NTRK3: variants seen among roughly 807,000 people sequenced by gnomAD.
NTRK3 encodes neurotrophic receptor tyrosine kinase 3.
Under a neutral mutation model 91.7 loss-of-function variants are expected in NTRK3, and 24 were observed. The observed-to-expected ratio is 0.26, with a 90% CI of 0.19 to 0.37. The LOEUF is 0.37. Among genes scored for constraint, NTRK3 ranks in the 10% least tolerant of loss-of-function variants. NTRK3 has a pLI of 1.00. For missense variants in NTRK3, 880 were observed against 1,068.9 expected (o/e 0.82, Z 2.46); for synonymous variants, 483 against 404.0 (o/e 1.20, Z -2.34).
rs111438997 is a variant in NTRK3, at chr15:88,050,238, C to T, written c.1397-17193G>A. Among the ~76,000 whole-genome samples, 404 of 152,216 alleles carry T rather than the reference C, an allele frequency of 2.7e-3. 1 individual carries two copies. The highest frequency in any genetic ancestry group is 4.0e-3 in the Non-Finnish European group (269 of 68,030). On this transcript the variant is annotated intron_variant, in intron 13 of 18. Transcript: ENST00000394480. Reference sequence around the variant, plus strand: ...AATTCAAAGGCACGTGTGTCCCAGGCTATAGGGGAAAACTAGACTTTTACA... The same window carrying T: ...AATTCAAAGGCACGTGTGTCCCAGGTTATAGGGGAAAACTAGACTTTTACA...
exon 19 of NTRK3, chr15:87,862,221 G>C (rs144713996): frequency 1.8e-5 from 4 of 222,676 alleles, no homozygotes; most frequent in Non-Finnish European, 3.6e-5. Flanking sequence ...AGAGGACAAG[G>C]AATGGAAGGA....
intron 5 of NTRK3, among the ~76,000 whole-genome samples, chr15:88,160,336 A>C (rs1441216278): frequency 6.6e-6 from 1 of 152,178 alleles, no homozygotes. Flanking sequence ...TGGTTGCCTG[A>C]GGATGGGGAG....
intron 14 of NTRK3, among the ~76,000 whole-genome samples, chr15:87,961,532 C>T (rs1205747969): frequency 1.3e-5 from 2 of 152,228 alleles, no homozygotes; most frequent in Admixed American, 6.5e-5. Flanking sequence ...GTAGTATTAG[C>T]AGGTTTGCCG....
chr15:87,890,570 TACACACACACAC>T (rs58806302), intron 17 of NTRK3, among the ~76,000 whole-genome samples: 14 of 147,832 alleles, frequency 9.5e-5, no homozygotes, highest in Admixed American at 2.7e-4. Flanking sequence ...GCTTGTTCTT[TACACACACACAC>T]ACACACACAC....
chr15:88,015,108 A>G (rs375919811), intron 14 of NTRK3, among the ~76,000 whole-genome samples: 1 of 152,194 alleles, frequency 6.6e-6, no homozygotes, highest in South Asian at 2.1e-4. Flanking sequence ...GGGTCTCTCT[A>G]TGTCTGCCTG....
chr15:88,057,168 CAA>C (rs547432747), intron 13 of NTRK3, among the ~76,000 whole-genome samples: 16 of 59,106 alleles, frequency 2.7e-4, no homozygotes, highest in Non-Finnish European at 4.4e-4. Context: ...AACTCCGTCT[CAA>C]AAAAAAAAAA....
chr15:87,876,897 G>A (rs2141433916), exon 19 of NTRK3: 2 of 1,608,390 alleles, frequency 1.2e-6, no homozygotes, highest in Non-Finnish European at 1.7e-6. Context: ...AGGGAGAGAG[G>A]AGGCAACAGA....
chr15:88,251,831 G>C (rs2053415264), intron 3 of NTRK3, among the ~76,000 whole-genome samples: 1 of 152,246 alleles, frequency 6.6e-6, no homozygotes, highest in African/African-American at 2.4e-5. Flanking sequence ...CAGGTTGCAG[G>C]CTTAGCCTTC....
At chr15:88,180,977 G>T (rs191354104) in intron 5 of NTRK3, among the ~76,000 whole-genome samples, 1 of 152,116 alleles carries the variant, frequency 6.6e-6, no homozygotes. Context: ...CTATTGACTC[G>T]TCTCTCTGCG....
At chr15:87,886,107 A>T (rs1252280954) in intron 17 of NTRK3, among the ~76,000 whole-genome samples, 1 of 152,120 alleles carries the variant, frequency 6.6e-6, no homozygotes, top group African/African-American at 2.4e-5. Flanking sequence ...ATGCCAATTA[A>T]AACAACAGAA....
chr15:88,012,862 C>A (rs1264368418), intron 14 of NTRK3, among the ~76,000 whole-genome samples: 2 of 152,334 alleles, frequency 1.3e-5, no homozygotes, highest in East Asian at 3.9e-4. Context: ...CCCAGAGTTT[C>A]GGATTCAGTG....
At chr15:88,065,911 G>A (rs1027084247) in intron 13 of NTRK3, among the ~76,000 whole-genome samples, 1 of 152,150 alleles carries the variant, frequency 6.6e-6, no homozygotes, top group South Asian at 2.1e-4. Context: ...GTCAAACAAA[G>A]AAAGAGAGAC....
intron 13 of NTRK3, among the ~76,000 whole-genome samples, chr15:88,109,206 A>C (rs1427423816): frequency 6.6e-6 from 1 of 152,222 alleles, no homozygotes; most frequent in Non-Finnish European, 1.5e-5. Context: ...AGCCGCAAGC[A>C]GGCTGGGTCA....
chr15:87,901,930 A>C (rs929951133), intron 17 of NTRK3, among the ~76,000 whole-genome samples: 1 of 152,228 alleles, frequency 6.6e-6, no homozygotes, highest in Non-Finnish European at 1.5e-5. Context: ...GTTCTTATAC[A>C]TTCTAAATTA....
At chr15:88,227,732 G>T (rs1037475346) in intron 3 of NTRK3, among the ~76,000 whole-genome samples, 2 of 152,046 alleles carry the variant, frequency 1.3e-5, no homozygotes, top group Non-Finnish European at 2.9e-5. Context: ...CAAACCCTCA[G>T]GGGAACACTC....
At chr15:87,874,462 T>G (rs902016712) in exon 19 of NTRK3, 14 of 231,764 alleles carry the variant, frequency 6.0e-5, no homozygotes, top group African/African-American at 2.9e-4. Flanking sequence ...CCATGATGAA[T>G]CAGTGCCCTG....
chr15:87,987,908 G>C (rs2074965330), intron 14 of NTRK3, among the ~76,000 whole-genome samples: 1 of 151,604 alleles, frequency 6.6e-6, no homozygotes, highest in Non-Finnish European at 1.5e-5. Flanking sequence ...ATAAATATAA[G>C]ATAAAAGTAC....
intron 14 of NTRK3, among the ~76,000 whole-genome samples, chr15:87,968,928 T>TC (rs986658587): frequency 2.6e-5 from 4 of 152,034 alleles, no homozygotes; most frequent in African/African-American, 9.7e-5. Flanking sequence ...AAGAACTCAT[T>TC]CCCCCCAGCT....
At chr15:88,122,393 A>G (rs1317461986) in intron 13 of NTRK3, among the ~76,000 whole-genome samples, 1 of 152,200 alleles carries the variant, frequency 6.6e-6, no homozygotes, top group Non-Finnish European at 1.5e-5. Context: ...ACAGAGACAC[A>G]CAGAGACAGA....
Sources: gnomAD v4.1 joint callset for allele counts (sites outside exome capture counted in the v4.1 genomes callset) on GRCh38, gnomAD v4.1.1 for gene constraint, MANE v1.5 for transcripts, NCBI Gene and HGNC (gene_info 2026-07-23, HGNC 2026-07-21) for gene names.